ODAD2: variants seen among roughly 807,000 people sequenced by gnomAD.
ODAD2 encodes outer dynein arm-docking complex subunit 2.
A neutral mutation model predicts 106.8 loss-of-function variants in ODAD2; 89 were observed. The ratio of observed to expected loss-of-function variants is 0.83; its 90% confidence interval spans 0.70 to 0.99. The LOEUF (loss-of-function observed/expected upper bound fraction) is 0.99. Among genes scored for constraint, ODAD2 ranks in the 50% least tolerant of loss-of-function variants. The pLI, the probability that ODAD2 is intolerant of heterozygous loss-of-function variation, is 0.00. For synonymous variants in ODAD2, 404 were observed against 436.2 expected, an observed-to-expected ratio of 0.93 and a Z score of 0.92; for missense variants, 1,168 against 1,238.5, an observed-to-expected ratio of 0.94 and a Z score of 0.85.
chr10:27,953,113 A>G (rs1458725278), intron 10 of ODAD2, among the ~76,000 whole-genome samples: 1 of 152,208 alleles, frequency 6.6e-6, no homozygotes, highest in Non-Finnish European at 1.5e-5. Flanking sequence ...AAAGTAATAA[A>G]TATATCCATC....
At chr10:27,953,619 G>T (rs192877182) in intron 10 of ODAD2, among the ~76,000 whole-genome samples, 5 of 152,108 alleles carry the variant, frequency 3.3e-5, no homozygotes, top group Admixed American at 2.6e-4. Context: ...GTCATTAAAA[G>T]GAGTGAGGCA....
chr10:27,912,066 G>GAA (rs1174327996), intron 16 of ODAD2, among the ~76,000 whole-genome samples: 1 of 152,184 alleles, frequency 6.6e-6, no homozygotes, highest in Non-Finnish European at 1.5e-5. Context: ...AGTGGAAAGT[G>GAA]TATTTTCTCA....
rs565863955 is a variant in ODAD2 at position 27,901,729 on chromosome 10, T to C, written c.2610+5934A>G. Among the ~76,000 whole-genome samples, 3 of 152,190 alleles carry C rather than the reference T, an allele frequency of 2.0e-5. No homozygotes were observed. In the East Asian group the frequency reaches 5.8e-4, roughly 29 times the overall value. On this transcript the variant is annotated intron_variant, in intron 17 of 19. Transcript: ENST00000305242. ...AAAGACAAAAAAGGGCATTGCATAA[T>C]GGTAAAGGGATCAATGCAACAAGAA...
intron 17 of ODAD2, among the ~76,000 whole-genome samples, chr10:27,878,483 A>G (rs1026532430): frequency 6.6e-6 from 1 of 152,200 alleles, no homozygotes; most frequent in African/African-American, 2.4e-5. Flanking sequence ...TGAGATATAC[A>G]TAATGCAACT....
At chr10:27,859,254 T>G (rs1839875301) in intron 19 of ODAD2, among the ~76,000 whole-genome samples, 1 of 149,860 alleles carries the variant, frequency 6.7e-6, no homozygotes, top group Admixed American at 6.6e-5. Flanking sequence ...ACATTGTTAC[T>G]TAGTTTAAAA....
intron 9 of ODAD2, among the ~76,000 whole-genome samples, chr10:27,962,654 T>C (rs994826728): frequency 6.6e-6 from 1 of 152,236 alleles, no homozygotes; most frequent in Admixed American, 6.5e-5. Context: ...CCACATTCTA[T>C]GGTTTGATGC....
chr10:27,839,118 C>G (rs1332185308), intron 19 of ODAD2, among the ~76,000 whole-genome samples: 1 of 152,162 alleles, frequency 6.6e-6, no homozygotes, highest in Non-Finnish European at 1.5e-5. Flanking sequence ...TCCAACATTC[C>G]TAATTTTGGT....
intron 2 of ODAD2, among the ~76,000 whole-genome samples, chr10:27,991,676 G>C: frequency 6.6e-6 from 1 of 152,104 alleles, no homozygotes; most frequent in Admixed American, 6.5e-5. Flanking sequence ...ACTTGTTTTG[G>C]AACAAGAGGC....
chr10:27,958,279 T>C (rs138768992), intron 10 of ODAD2, among the ~76,000 whole-genome samples: 396 of 152,298 alleles, frequency 2.6e-3, no homozygotes, highest in African/African-American at 9.0e-3. Context: ...ACAGAAATAG[T>C]GCATCTCTTT....
At chr10:27,882,806 T>A (rs1017002787) in intron 17 of ODAD2, among the ~76,000 whole-genome samples, 7 of 152,162 alleles carry the variant, frequency 4.6e-5, no homozygotes, top group African/African-American at 1.7e-4. Context: ...ACTGCCTGTA[T>A]GGCAATTCCT....
At chr10:27,929,341 T>G (rs1293166091) in intron 16 of ODAD2, among the ~76,000 whole-genome samples, 1 of 152,192 alleles carries the variant, frequency 6.6e-6, no homozygotes, top group African/African-American at 2.4e-5. Flanking sequence ...ACTTTTTATG[T>G]GAAAGATGAT....
chr10:27,832,589 A>C (rs1266289272), intron 19 of ODAD2, among the ~76,000 whole-genome samples: 3 of 152,184 alleles, frequency 2.0e-5, no homozygotes, highest in Non-Finnish European at 4.4e-5. Flanking sequence ...AACTTTGTCA[A>C]AAACATCCTG....
At chr10:27,910,012 A>T (rs1468708371) in intron 16 of ODAD2, among the ~76,000 whole-genome samples, 1 of 152,042 alleles carries the variant, frequency 6.6e-6, no homozygotes, top group Non-Finnish European at 1.5e-5. Context: ...TTTACTTCAC[A>T]ATGACTCAAG....
chr10:27,812,490 G>A lies in ODAD2; in HGVS notation c.*22C>T, dbSNP rs780967136. On this transcript the variant is annotated 3_prime_UTR_variant, in exon 20 of 20. Transcript: ENST00000305242. ...GTCCTGTGTCATGTAGAATTTGATAGCTTGTAATGTCCATTTAAATTTCAA... is the reference window on the plus strand; with the variant it reads ...GTCCTGTGTCATGTAGAATTTGATAACTTGTAATGTCCATTTAAATTTCAA... The A allele has an allele frequency of 1.2e-6, 2 of 1,609,484 alleles. No individual in the cohort carries two copies. Among genetic ancestry groups the A allele is most frequent in the Non-Finnish European group, 8.5e-7 (1 of 1,177,158 alleles).
intron 10 of ODAD2, among the ~76,000 whole-genome samples, chr10:27,953,332 C>A (rs1847497363): frequency 6.6e-6 from 1 of 152,276 alleles, no homozygotes; most frequent in East Asian, 1.9e-4. Context: ...TATCACAGTT[C>A]ATTCCAATAA....
At chr10:27,902,030 T>A (rs531384720) in intron 17 of ODAD2, among the ~76,000 whole-genome samples, 1 of 152,266 alleles carries the variant, frequency 6.6e-6, no homozygotes, top group African/African-American at 2.4e-5. Context: ...ATCACACTTA[T>A]TCTAAAATTG....
In ODAD2 at chr10:27,944,507, A is replaced by G. The variant is rs1173197754; in HGVS notation, c.1534-76T>C. On this transcript the variant is annotated intron_variant, in intron 11 of 19. Transcript: ENST00000305242. ...TTTTAAAAATTCCGAGTATACCTAAAATCCTTCCCCAGTTAAGTTTTTTAA... is the reference window on the plus strand; with the variant it reads ...TTTTAAAAATTCCGAGTATACCTAAGATCCTTCCCCAGTTAAGTTTTTTAA... 4 of 1,320,578 alleles carry G rather than the reference A, an allele frequency of 3.0e-6. No individual in the cohort carries two copies. In the African/African-American group the frequency reaches 5.9e-5, roughly 19 times the overall value. 81.8% of individuals were successfully genotyped at this position (1,320,578 alleles called of 1,614,324 possible).
intron 16 of ODAD2, among the ~76,000 whole-genome samples, chr10:27,926,867 T>C (rs1845292828): frequency 6.6e-6 from 1 of 152,158 alleles, no homozygotes; most frequent in African/African-American, 2.4e-5. Flanking sequence ...TTTTATATAC[T>C]TGAAGGCCAG....
chr10:27,839,103 C>T (rs907971151), intron 19 of ODAD2, among the ~76,000 whole-genome samples: 2 of 152,118 alleles, frequency 1.3e-5, no homozygotes, highest in Admixed American at 1.3e-4. Flanking sequence ...AAAACTGTAA[C>T]GTAGTCCAAC....
Sources: gnomAD v4.1 joint callset for allele counts (sites outside exome capture counted in the v4.1 genomes callset) on GRCh38, gnomAD v4.1.1 for gene constraint, MANE v1.5 for transcripts, NCBI Gene and HGNC (gene_info 2026-07-23, HGNC 2026-07-21) for gene names.